Variants in CADM2 observed in about 807,000 individuals in gnomAD.
CADM2 encodes immunoglobulin superfamily member 4D.
Under a neutral mutation model 49.8 loss-of-function variants are expected in CADM2, and 12 were observed. That is an observed-to-expected ratio of 0.24 (90% CI 0.15 to 0.39). The LOEUF (loss-of-function observed/expected upper bound fraction) is 0.39, where lower values mean the gene tolerates loss of function less well. Ranked by LOEUF, CADM2 falls within the 10% of genes least tolerant of loss-of-function variation. CADM2 has a pLI of 1.00. For synonymous variants in CADM2, 214 were observed against 175.4 expected (o/e 1.22, Z -1.74); for missense variants, 378 against 492.3 (o/e 0.77, Z 2.20).
At chr3:86,054,034 T>A (rs1478277465) in intron 8 of CADM2, among the ~76,000 whole-genome samples, 2 of 152,018 alleles carry the variant, frequency 1.3e-5, no homozygotes, top group Non-Finnish European at 2.9e-5. Context: ...ATATAGCTAG[T>A]GTATAAAGGA....
At chr3:85,776,897 T>C (rs554155620) in intron 2 of CADM2, among the ~76,000 whole-genome samples, 1 of 152,186 alleles carries the variant, frequency 6.6e-6, no homozygotes, top group East Asian at 1.9e-4. Flanking sequence ...CAAAACAGAA[T>C]AGATGTCTGA....
At chr3:85,888,797 T>C (rs1268383794) in intron 5 of CADM2, among the ~76,000 whole-genome samples, 1 of 152,172 alleles carries the variant, frequency 6.6e-6, no homozygotes. Flanking sequence ...CTGGATATGC[T>C]AAGCAAAATT....
At chr3:85,873,668 C>G (rs1711498751) in intron 3 of CADM2, among the ~76,000 whole-genome samples, 1 of 151,474 alleles carries the variant, frequency 6.6e-6, no homozygotes, top group Admixed American at 6.6e-5. Flanking sequence ...AAATTCATCT[C>G]AAAAAAATAA....
chr3:85,309,353 C>T (rs1407942524), intron 1 of CADM2, among the ~76,000 whole-genome samples: 2 of 152,062 alleles, frequency 1.3e-5, no homozygotes, highest in Non-Finnish European at 1.5e-5. Context: ...CACTGGGATC[C>T]GGAGGCAGGT....
intron 3 of CADM2, among the ~76,000 whole-genome samples, chr3:85,812,135 G>T (rs1156585058): frequency 6.6e-6 from 1 of 152,090 alleles, no homozygotes; most frequent in Non-Finnish European, 1.5e-5. Context: ...CTATATATGG[G>T]TGTGGTGGAA....
intron 1 of CADM2, among the ~76,000 whole-genome samples, chr3:85,571,276 A>G (rs1425570206): frequency 6.6e-6 from 1 of 152,226 alleles, no homozygotes; most frequent in African/African-American, 2.4e-5. Context: ...TTAATAATTT[A>G]TGTCAGATAT....
chr3:85,894,442 C>T (rs1714932140), intron 5 of CADM2, among the ~76,000 whole-genome samples: 1 of 151,930 alleles, frequency 6.6e-6, no homozygotes, highest in South Asian at 2.1e-4. Context: ...CACATGTATA[C>T]ATATGTAACT....
intron 1 of CADM2, among the ~76,000 whole-genome samples, chr3:85,459,742 C>T (rs974377648): frequency 1.3e-5 from 2 of 152,116 alleles, no homozygotes; most frequent in Non-Finnish European, 2.9e-5. Context: ...TATTGTATTG[C>T]CATTCATGGC....
intron 1 of CADM2, among the ~76,000 whole-genome samples, chr3:85,282,518 C>T (rs1381812411): frequency 6.6e-6 from 1 of 151,118 alleles, no homozygotes; most frequent in Non-Finnish European, 1.5e-5. Context: ...ACAATCTACC[C>T]GCCTCGGCCT....
At chr3:85,244,860 T>A (rs1378490818) in intron 1 of CADM2, among the ~76,000 whole-genome samples, 1 of 152,212 alleles carries the variant, frequency 6.6e-6, no homozygotes, top group Non-Finnish European at 1.5e-5. Flanking sequence ...TCTTTACAAA[T>A]CTACCAAGAG....
chr3:85,726,465 T>G, intron 1 of CADM2, 57 bp from the exon 2 acceptor site: 1 of 1,589,946 alleles, frequency 6.3e-7, no homozygotes, highest in Non-Finnish European at 8.6e-7. Flanking sequence ...TACTAGAGAA[T>G]CTGTCTAATA....
At chr3:85,284,878 A>C (rs1052091353) in intron 1 of CADM2, among the ~76,000 whole-genome samples, 1 of 152,052 alleles carries the variant, frequency 6.6e-6, no homozygotes, top group African/African-American at 2.4e-5. Flanking sequence ...AGATCTGGCA[A>C]GTTGTGTCAA....
At chr3:85,701,910 T>TAG (rs1302635676) in intron 1 of CADM2, among the ~76,000 whole-genome samples, 23 of 132,888 alleles carry the variant, frequency 1.7e-4, no homozygotes, top group African/African-American at 6.7e-4. Flanking sequence ...GATAGATAGA[T>TAG]ATAAAGAAAA....
intron 1 of CADM2, among the ~76,000 whole-genome samples, chr3:85,240,038 G>T (rs1205785894): frequency 2.6e-5 from 4 of 151,380 alleles, no homozygotes; most frequent in Admixed American, 2.6e-4. Context: ...ATGCCATTTT[G>T]TAAGAAATTT....
In CADM2 at chr3:85,140,197, A is replaced by G. The variant is rs1030497553; in HGVS notation, c.61+180529A>G. Among the ~76,000 whole-genome samples the G allele has an allele frequency of 3.3e-5, 5 of 152,200 alleles. No individual in the cohort carries two copies. The East Asian group carries it at 5.8e-4, about 18-fold the overall frequency. ...TCTACCGGGTTCTCTTGGATCACGT[A>G]CAGTTACTATATATTTTTATGCAGC... On this transcript the variant is annotated intron_variant, in intron 1 of 9. Coordinates refer to ENST00000383699, the MANE Select transcript of CADM2 (RefSeq NM_001167675.2).
chr3:85,344,422 AT>A (rs1156430127), intron 1 of CADM2, among the ~76,000 whole-genome samples: 1 of 149,912 alleles, frequency 6.7e-6, no homozygotes, highest in Non-Finnish European at 1.5e-5. Context: ...TAAATAAATA[AT>A]AATTATATGG....
At chr3:85,512,162 C>T (rs571603586) in intron 1 of CADM2, among the ~76,000 whole-genome samples, 58 of 152,142 alleles carry the variant, frequency 3.8e-4, no homozygotes, top group African/African-American at 1.3e-3. Flanking sequence ...CTCTTCCACT[C>T]TCCCTACTCT....
At chr3:85,212,722 G>A (rs1016008405) in intron 1 of CADM2, among the ~76,000 whole-genome samples, 2 of 151,698 alleles carry the variant, frequency 1.3e-5, no homozygotes, top group Admixed American at 1.3e-4. Context: ...GATATGAGTG[G>A]TTTATACACC....
chr3:85,198,187 G>C lies in CADM2; in HGVS notation c.61+238519G>C, dbSNP rs112084643. On this transcript the variant is annotated intron_variant, in intron 1 of 9. Transcript: ENST00000383699. ...TAACAGAATTATAATTTTATAATTA[G>C]CATTCTCTTCCAGTAGTTAGAGAAG... 2.1e-3 allele frequency among the ~76,000 whole-genome samples: 318 copies of C among 151,806 alleles called. 1 individual carries two copies. Among genetic ancestry groups the C allele is most frequent in the African/African-American group, 7.3e-3 (301 of 41,508 alleles).
Sources: gnomAD v4.1 joint callset for allele counts (sites outside exome capture counted in the v4.1 genomes callset) on GRCh38, gnomAD v4.1.1 for gene constraint, MANE v1.5 for transcripts, NCBI Gene and HGNC (gene_info 2026-07-23, HGNC 2026-07-21) for gene names.